The following CCNT2 variants were observed in gnomAD, a reference collection of about 807,000 sequenced individuals.
CCNT2 encodes cyclin T2, also known as cyclin-T2.
In CCNT2, 18 loss-of-function variants were observed where a neutral mutation model predicts 70.0. The observed-to-expected ratio is 0.26, with a 90% CI of 0.18 to 0.38. The LOEUF is 0.38. Among genes scored for constraint, CCNT2 ranks in the 10% least tolerant of loss-of-function variants. CCNT2 has a pLI of 1.00. For synonymous variants in CCNT2, 334 were observed against 313.3 expected, an observed-to-expected ratio of 1.07 and a Z score of -0.70; for missense variants, 734 against 890.2, an observed-to-expected ratio of 0.82 and a Z score of 2.23.
rs1679602026 is a variant in CCNT2, at chr2:134,918,873, GCTT to G, written c.25_27del (p.Ser9del). On this transcript the variant is annotated inframe_deletion, in exon 1 of 9. Coordinates refer to ENST00000264157, the MANE Select transcript of CCNT2 (RefSeq NM_058241.3). ...AAGTGTCATGGCGTCGGGCCGTGGA[GCTT>G]CTTCTCGCTGGTTCTTTACTCGGGA... is the stretch of plus-strand genomic sequence containing the variant. 3 of 1,613,726 alleles carry G rather than the reference GCTT, an allele frequency of 1.9e-6. No individual in the cohort carries two copies. Among genetic ancestry groups the G allele is most frequent in the Middle Eastern group, 1.7e-4 (1 of 6,056 alleles).
Position 134,954,274 on chromosome 2 carries a change from A to G in CCNT2, c.1819A>G (p.Ser607Gly). ...TVLRSPVGLS[S>G]DGISSSSSSS... ...TCTGAGGAGTCCTGTTGGCCTGAGC[A>G]GTGATGGCATTTCCTCTAGCTCCAG... The change falls in exon 9 of 9, where the codon AGT (serine) becomes GGT (glycine). Residue 607 changes from serine (S) to glycine (G), a missense_variant. Ser to Gly is a moderately conservative substitution (Grantham distance 56). This residue lies in a region of CCNT2 where 532 missense variants were observed against 556.9 expected (regional missense o/e 0.96). Coordinates refer to ENST00000264157, the MANE Select transcript of CCNT2 (RefSeq NM_058241.3). 6.2e-7 allele frequency: 1 copy of G among 1,614,178 alleles called. No individual in the cohort carries two copies. The highest frequency in any genetic ancestry group is 8.5e-7 in the Non-Finnish European group (1 of 1,180,008).
chr2:134,946,350 G>T, intron 6 of CCNT2: 1 of 1,199,970 alleles, frequency 8.3e-7, no homozygotes, highest in Non-Finnish European at 1.1e-6. Context: ...GAAGTGTAGT[G>T]GTGCTTTCTG....
intron 5 of CCNT2, chr2:134,943,877 A>G (rs889501746): frequency 5.1e-6 from 5 of 979,054 alleles, no homozygotes; most frequent in Admixed American, 6.2e-5. Context: ...AAGTTTTTTT[A>G]GATTTATCCT....
At chr2:134,951,390 CAT>C (rs1214654859) in intron 7 of CCNT2, among the ~76,000 whole-genome samples, 5 of 152,090 alleles carry the variant, frequency 3.3e-5, no homozygotes, top group African/African-American at 1.2e-4. Flanking sequence ...CTATTAATGA[CAT>C]TATTAGTTCA....
Position 134,954,671 on chromosome 2 carries a change from CCTTTA to C in CCNT2, c.*28_*32del. The C allele has an allele frequency of 1.3e-6, 2 of 1,499,264 alleles. No homozygotes were observed. Among genetic ancestry groups the C allele is most frequent in the South Asian group, 1.2e-5 (1 of 85,710 alleles). The allele number at this position is 1,499,264 out of a possible 1,614,324, so 92.9% of individuals were successfully genotyped here. On this transcript the variant is annotated 3_prime_UTR_variant, in exon 9 of 9. Coordinates refer to ENST00000264157, the MANE Select transcript of CCNT2 (RefSeq NM_058241.3). ...TAATAATTTGTTTAGGTCAATTTTT[CCTTTA>C]CTTTTTTAATTTAAAAATTGTTAGA...
chr2:134,926,144 G>C (rs1348460840), intron 2 of CCNT2, among the ~76,000 whole-genome samples: 5 of 152,096 alleles, frequency 3.3e-5, no homozygotes, highest in Non-Finnish European at 7.4e-5. Context: ...GCCTAAAGCA[G>C]CTCTTTCCAG....
chr2:134,948,464 A>T (rs537460797), intron 7 of CCNT2, among the ~76,000 whole-genome samples: 52 of 152,348 alleles, frequency 3.4e-4, no homozygotes, highest in African/African-American at 1.1e-3. Context: ...ACTGTGAAGC[A>T]GTAAACGAAA....
intron 5 of CCNT2, 45 bp downstream of exon 5, chr2:134,942,719 A>C: frequency 6.6e-7 from 1 of 1,505,230 alleles, no homozygotes; most frequent in East Asian, 2.3e-5. Flanking sequence ...AATGCTTTTT[A>C]TTATCTGTAA....
In CCNT2 at chr2:134,931,703, T is replaced by C. The variant is rs897606583; in HGVS notation, c.241-5138T>C. Among the ~76,000 whole-genome samples the C allele has an allele frequency of 3.3e-5, 5 of 152,190 alleles. No homozygotes were observed. The South Asian group carries it at 8.3e-4, about 25-fold the overall frequency. On this transcript the variant is annotated intron_variant, in intron 2 of 8. Transcript: ENST00000264157. ...GGAAAGTGGCCTTTTGTAACATTTA[T>C]GTAGTATATTTGAATTCCTGTGCAA... is the stretch of plus-strand genomic sequence containing the variant.
chr2:134,952,420 T>A (rs1682590793), intron 7 of CCNT2, among the ~76,000 whole-genome samples: 1 of 152,132 alleles, frequency 6.6e-6, no homozygotes. Flanking sequence ...AGATTCTAAT[T>A]AAGCAAGTAA....
intron 5 of CCNT2, chr2:134,944,117 T>C (rs1219715162): frequency 1.0e-6 from 1 of 984,024 alleles, no homozygotes; most frequent in East Asian, 1.1e-4. Context: ...CTAGAACATA[T>C]TTAACTGTGG....
intron 5 of CCNT2, 110 bp from the exon 6 acceptor site, chr2:134,945,991 A>C: frequency 1.2e-6 from 2 of 1,600,888 alleles, no homozygotes; most frequent in Non-Finnish European, 1.7e-6. Flanking sequence ...TAGTAAGTAA[A>C]ATTTACTTTT....
At chr2:134,925,393 TCA>T (rs1425059599) in intron 2 of CCNT2, among the ~76,000 whole-genome samples, 5 of 152,126 alleles carry the variant, frequency 3.3e-5, no homozygotes, top group Admixed American at 6.5e-5. Flanking sequence ...TTAAGAATAT[TCA>T]CAGAGGTGTG....
chr2:134,919,169 T>G (rs1573758255), intron 1 of CCNT2, among the ~76,000 whole-genome samples, 157 bp downstream of exon 1: 1 of 150,538 alleles, frequency 6.6e-6, no homozygotes, highest in East Asian at 2.0e-4. Context: ...TCGCGAGGGG[T>G]CAGCAGAGGA....
chr2:134,946,042 T>C (rs1320978655), intron 5 of CCNT2, 59 bp from the exon 6 acceptor site: 22 of 1,609,512 alleles, frequency 1.4e-5, no homozygotes, highest in Non-Finnish European at 7.6e-6. Flanking sequence ...TTGAGAACTT[T>C]TTGATTGTAG....
intron 6 of CCNT2, 70 bp from the exon 7 acceptor site, chr2:134,947,666 T>G: frequency 8.4e-7 from 1 of 1,195,680 alleles, no homozygotes; most frequent in African/African-American, 1.5e-5. Flanking sequence ...ATCTTACTGG[T>G]AAATGTTTTT....
intron 2 of CCNT2, among the ~76,000 whole-genome samples, chr2:134,933,431 ATATCAGCAGTAAGGG>A (rs1163722737): frequency 6.6e-6 from 1 of 152,194 alleles, no homozygotes; most frequent in African/African-American, 2.4e-5. Context: ...AGAGTGAAGA[ATATCAGCAGTAAGGG>A]TATCAGGAGC....
chr2:134,937,153 T>C (rs1457235827), intron 3 of CCNT2, among the ~76,000 whole-genome samples, 184 bp downstream of exon 3: 4 of 152,346 alleles, frequency 2.6e-5, no homozygotes, highest in South Asian at 2.1e-4. Context: ...GTTCATGAAT[T>C]TGGATGTCAT....
chr2:134,947,904 G>T lies in CCNT2; in HGVS notation c.703+5G>T. On this transcript the variant is annotated splice_donor_5th_base_variant and intron_variant, in intron 7 of 8. Coordinates refer to ENST00000264157, the MANE Select transcript of CCNT2 (RefSeq NM_058241.3). The stretch of plus-strand genomic sequence containing the variant: ...TTACTCTAGAATTATTAGATGGTAA[G>T]TAGAGAAAATAAATTTTTAAGTTTG... The T allele has an allele frequency of 6.9e-7, 1 of 1,445,484 alleles. No individual in the cohort carries two copies. The highest frequency in any genetic ancestry group is 9.3e-7 in the Non-Finnish European group (1 of 1,076,514). The allele number at this position is 1,445,484 out of a possible 1,614,324, so 89.5% of individuals were successfully genotyped here. A position where few individuals can be genotyped will look rare whatever the true frequency, so the allele number is the denominator to read the frequency against.
Sources: gnomAD v4.1 joint callset for allele counts (sites outside exome capture counted in the v4.1 genomes callset) on GRCh38, gnomAD v4.1.1 for gene constraint, gnomAD v4.1.1 regional missense constraint, MANE v1.5 for transcripts, NCBI Gene and HGNC (gene_info 2026-07-23, HGNC 2026-07-21) for gene names.